The following PNPLA7 variants were observed in gnomAD, a reference collection of about 807,000 sequenced individuals.
PNPLA7 encodes the protein patatin like domain 7, lysophospholipase.
A neutral mutation model predicts 161.7 loss-of-function variants in PNPLA7; 153 were observed. The observed-to-expected ratio is 0.95, with a 90% CI of 0.83 to 1.08. The LOEUF is 1.08. Ranked by LOEUF, PNPLA7 falls within the 50% of genes least tolerant of loss-of-function variation. The pLI is 0.00. For missense variants in PNPLA7, 1,739 were observed against 1,856.6 expected (o/e 0.94, Z 1.16); for synonymous variants, 809 against 782.1 (o/e 1.03, Z -0.57).
At position 137,540,829 on chromosome 9, in the gene PNPLA7, C is replaced by T; in HGVS notation, c.667-107G>A. The T allele has an allele frequency of 1.0e-6, 1 of 960,014 alleles. No homozygotes were observed. The highest frequency in any genetic ancestry group is 1.6e-6 in the Non-Finnish European group (1 of 624,042). 59.5% of individuals were successfully genotyped at this position (960,014 alleles called of 1,614,324 possible). ...GCAGTGGGGCCACGGGCCTGCACCTCTGAGGCGCCATGAGAGCAGCAGGCA... is the reference window on the plus strand; with the variant it reads ...GCAGTGGGGCCACGGGCCTGCACCTTTGAGGCGCCATGAGAGCAGCAGGCA... On this transcript the variant is annotated intron_variant, in intron 7 of 34. Coordinates refer to ENST00000406427, the MANE Select transcript of PNPLA7 (RefSeq NM_001098537.3). This position sits in a 1 kb window ranked among gnomAD's most constrained non-coding sequence, Gnocchi z 5.1.
At chr9:137,516,532 G>T in intron 11 of PNPLA7, 3 of 985,338 alleles carry the variant, frequency 3.0e-6, no homozygotes, top group Non-Finnish European at 3.6e-6. Context: ...TTTGAGGCCA[G>T]GTGCAGTGGC....
At position 137,520,549 on chromosome 9, in the gene PNPLA7, C is replaced by A. The variant is rs1242414936; in HGVS notation, c.958-506G>T. Among the ~76,000 whole-genome samples the A allele has an allele frequency of 6.6e-6, 1 of 152,238 alleles. No homozygotes were observed. Among genetic ancestry groups the A allele is most frequent in the African/African-American group, 2.4e-5 (1 of 41,462 alleles). ...ATGATTTCCAACTGAAATGCACATA[C>A]TAAAGACTAATGCGTGCTGGGCCTT... On this transcript the variant is annotated intron_variant, in intron 10 of 34. Coordinates refer to ENST00000406427, the MANE Select transcript of PNPLA7 (RefSeq NM_001098537.3). The surrounding 1 kb of genome is among the most constrained non-coding windows in gnomAD (Gnocchi z 5.2).
chr9:137,460,779 A>G, intron 33 of PNPLA7, 42 bp from the exon 34 acceptor site: 1 of 1,550,308 alleles, frequency 6.5e-7, no homozygotes, highest in Non-Finnish European at 8.9e-7. Flanking sequence ...CTCCCAAGGA[A>G]GGGACCGTAC....
intron 8 of PNPLA7, among the ~76,000 whole-genome samples, chr9:137,539,362 AC>A (rs1406584450): frequency 2.6e-5 from 4 of 151,988 alleles, no homozygotes; most frequent in African/African-American, 9.6e-5. Flanking sequence ...AAACAAACAA[AC>A]AAAAAACAAA....
chr9:137,524,223 G>A lies in PNPLA7; in HGVS notation c.748-1366C>T, dbSNP rs867914968. ...ACAGAGTGTGGAGGCTTCCCTCAGC[G>A]GTGTGACACACTCGAGATTCCCCCA... On this transcript the variant is annotated intron_variant, in intron 8 of 34. Transcript: ENST00000406427. The surrounding 1 kb of genome is among the most constrained non-coding windows in gnomAD (Gnocchi z 4.4). Among the ~76,000 whole-genome samples the A allele has an allele frequency of 4.6e-5, 7 of 152,224 alleles. No homozygotes were observed. Among genetic ancestry groups the A allele is most frequent in the Non-Finnish European group, 8.8e-5 (6 of 68,050 alleles).
rs975350590 is a variant in PNPLA7, at chr9:137,500,205, C to G, written c.1757+486G>C. ...ACATTCTGCCCCAAGAAGGGACACA[C>G]GTCAGTGGGGCTCCTCCCCCGAGCC... is the stretch of plus-strand genomic sequence containing the variant. On this transcript the variant is annotated intron_variant, in intron 16 of 34. Transcript: ENST00000406427. This position sits in a 1 kb window ranked among gnomAD's most constrained non-coding sequence, Gnocchi z 5.5. Among the ~76,000 whole-genome samples the G allele has an allele frequency of 3.9e-5, 6 of 152,268 alleles. No individual in the cohort carries two copies. The highest frequency in any genetic ancestry group is 8.8e-5 in the Non-Finnish European group (6 of 68,042).
intron 14 of PNPLA7, among the ~76,000 whole-genome samples, chr9:137,502,569 TC>T (rs1455533613): frequency 7.0e-6 from 1 of 142,148 alleles, no homozygotes; most frequent in Non-Finnish European, 1.5e-5. Context: ...AGAGGCCGCA[TC>T]GCCCCAGGGC....
At chr9:137,542,505 C>T (rs537968772) in intron 7 of PNPLA7, 137 bp downstream of exon 7, 17 of 998,970 alleles carry the variant, frequency 1.7e-5, no homozygotes, top group South Asian at 7.8e-5. Flanking sequence ...AAAATAAAAA[C>T]GGTGAGTTTT....
rs137943414 is a variant in PNPLA7, at chr9:137,476,470, C to T, written c.2882+1564G>A. 8.6e-5 allele frequency among the ~76,000 whole-genome samples: 13 copies of T among 151,778 alleles called. No individual in the cohort carries two copies. Among genetic ancestry groups the T allele is most frequent in the Admixed American group, 5.9e-4 (9 of 15,250 alleles). ...ATCAATAGTTAGCAGACTCTGATTGCGGGTGTTGAAGGGGGTTAAGAAGTC... is the reference window on the plus strand; with the variant it reads ...ATCAATAGTTAGCAGACTCTGATTGTGGGTGTTGAAGGGGGTTAAGAAGTC... On this transcript the variant is annotated intron_variant, in intron 25 of 34. Coordinates refer to ENST00000406427, the MANE Select transcript of PNPLA7 (RefSeq NM_001098537.3). This position sits in a 1 kb window ranked among gnomAD's most constrained non-coding sequence, Gnocchi z 4.5.
chr9:137,503,846 AAG>A lies in PNPLA7; in HGVS notation c.1473+1766_1473+1767del, dbSNP rs1588625338. Among the ~76,000 whole-genome samples the A allele has an allele frequency of 2.1e-5, 3 of 140,958 alleles. No homozygotes were observed. The East Asian group carries it at 6.4e-4, about 30-fold the overall frequency. The allele number at this position is 140,958 out of a possible 152,430, so 92.5% of individuals were successfully genotyped here. A position where few individuals can be genotyped will look rare whatever the true frequency, so the allele number is the denominator to read the frequency against. On this transcript the variant is annotated intron_variant, in intron 14 of 34. Coordinates refer to ENST00000406427, the MANE Select transcript of PNPLA7 (RefSeq NM_001098537.3). ...GGAAGAAGAAAGAAGCAAGAAGAAG[AAG>A]GAAGAAGAAGAAGGAGGAGGAAGGA...
intron 12 of PNPLA7, chr9:137,509,826 T>A (rs759798044): frequency 2.4e-6 from 1 of 420,662 alleles, no homozygotes; most frequent in South Asian, 1.6e-5. Context: ...TGTTCCAGTA[T>A]AATAAAATAT....
chr9:137,521,808 C>T, intron 9 of PNPLA7, 92 bp from the exon 10 acceptor site: 1 of 1,104,760 alleles, frequency 9.1e-7, no homozygotes, highest in Non-Finnish European at 1.3e-6. Flanking sequence ...GAACCGTGCC[C>T]CAAACCCTGC....
intron 11 of PNPLA7, among the ~76,000 whole-genome samples, chr9:137,517,182 A>C (rs1216088795): frequency 9.0e-6 from 1 of 111,292 alleles, no homozygotes; most frequent in Non-Finnish European, 1.9e-5. Flanking sequence ...CCACTCACTC[A>C]CTCCACTCTG....
chr9:137,460,292 C>A lies in PNPLA7; in HGVS notation c.*101G>T. ...TGGGGCCCCGGGGAAGTCAGGGCTT[C>A]CAGCAGGGCAGGTACAGAGGCCCCT... On this transcript the variant is annotated 3_prime_UTR_variant, in exon 35 of 35. Transcript: ENST00000406427. The A allele has an allele frequency of 1.6e-6, 2 of 1,240,454 alleles. No individual in the cohort carries two copies. Among genetic ancestry groups the A allele is most frequent in the Non-Finnish European group, 2.2e-6 (2 of 896,558 alleles). The allele number at this position is 1,240,454 out of a possible 1,614,324, so 76.8% of individuals were successfully genotyped here.
At chr9:137,498,479 C>A (rs533055761) in intron 16 of PNPLA7, among the ~76,000 whole-genome samples, 1 of 152,392 alleles carries the variant, frequency 6.6e-6, no homozygotes, top group African/African-American at 2.4e-5. Context: ...AGAGAGCCCC[C>A]TCCTGGCAGG....
chr9:137,501,270 C>T (rs1006827543), intron 15 of PNPLA7, among the ~76,000 whole-genome samples: 2 of 152,180 alleles, frequency 1.3e-5, no homozygotes, highest in African/African-American at 4.8e-5. Context: ...GCTCCTGGCC[C>T]CTCCCACACT....
rs774272900 is a variant in PNPLA7 at position 137,521,698 on chromosome 9, GCAGC to G, written c.891_894del (p.Leu298ArgfsTer3). ...TGCAGAGCCAGAAAGGTCACCCTCT[GCAGC>G]CGCACCATGATGATCTGCAAGAACA... On this transcript the variant is annotated frameshift_variant, in exon 10 of 35. Transcript: ENST00000406427. LOFTEE classifies it high-confidence loss of function. 2.5e-6 allele frequency: 4 copies of G among 1,611,332 alleles called. No individual in the cohort carries two copies.
intron 25 of PNPLA7, among the ~76,000 whole-genome samples, chr9:137,473,847 G>T (rs1001846735): frequency 6.6e-6 from 1 of 152,212 alleles, no homozygotes; most frequent in Non-Finnish European, 1.5e-5. Context: ...AGACATTGCT[G>T]GTGGGAGTGT....
chr9:137,527,253 G>C (rs1835348102), intron 8 of PNPLA7, among the ~76,000 whole-genome samples: 2 of 148,804 alleles, frequency 1.3e-5, no homozygotes. Flanking sequence ...GGGAGACAGA[G>C]CAAGACTCCG....
Sources: gnomAD v4.1 joint callset for allele counts (sites outside exome capture counted in the v4.1 genomes callset) on GRCh38, gnomAD v4.1.1 for gene constraint, Gnocchi (gnomAD v3.1) non-coding constraint, MANE v1.5 for transcripts, NCBI Gene and HGNC (gene_info 2026-07-23, HGNC 2026-07-21) for gene names.